The following NBAS variants were observed in gnomAD, a reference collection of about 807,000 sequenced individuals.
The protein encoded by NBAS is NBAS subunit of NRZ tethering complex.
NBAS carries 219 observed loss-of-function variants against 302.5 expected under a neutral mutation model. The ratio of observed to expected loss-of-function variants is 0.72; its 90% CI spans 0.65 to 0.81. NBAS has a LOEUF of 0.81. Ranked by LOEUF, NBAS falls within the 30% of genes least tolerant of loss-of-function variation. The pLI is 0.00. For missense variants in NBAS, 2,932 were observed against 2,841.6 expected, an observed-to-expected ratio of 1.03 and a Z score of -0.72; for synonymous variants, 1,118 against 1,021.6, an observed-to-expected ratio of 1.09 and a Z score of -1.80.
chr2:15,221,089 G>A (rs1666929824), intron 47 of NBAS, among the ~76,000 whole-genome samples: 2 of 152,108 alleles, frequency 1.3e-5, no homozygotes, highest in South Asian at 4.1e-4. Context: ...ATATTTATCA[G>A]AAATGGAAAC....
intron 47 of NBAS, among the ~76,000 whole-genome samples, chr2:15,219,321 C>CTTTTT (rs1356182596): frequency 7.0e-6 from 1 of 142,344 alleles, no homozygotes; most frequent in Non-Finnish European, 1.5e-5. Context: ...TTTTTCTTTT[C>CTTTTT]TTTTTTTTTA....
chr2:15,234,688 A>G lies in NBAS; in HGVS notation c.6003T>C (p.Leu2001=). The change falls in exon 46 of 52, where the codon CTT becomes CTC. Residue 2001 remains leucine (L), a synonymous_variant. Transcript: ENST00000281513. ...YDLSRSEKEK[L]HDEAVAICLD... ...AACAAATAGCCACAGCTTCATCATG[A>G]AGTTTCTCTTTTTCTGATCGGGACA... 6.2e-7 allele frequency: 1 copy of G among 1,614,148 alleles called. No homozygotes were observed. The highest frequency in any genetic ancestry group is 1.1e-5 in the South Asian group (1 of 91,080).
chr2:15,084,272 A>G, the NBAS span, among the ~76,000 whole-genome samples: 1 of 152,142 alleles, frequency 6.6e-6, no homozygotes, highest in Non-Finnish European at 1.5e-5. Flanking sequence ...CATGTTGCCC[A>G]GGCTGGTCTC....
chr2:14,836,976 T>C, the NBAS span, among the ~76,000 whole-genome samples: 1 of 151,870 alleles, frequency 6.6e-6, no homozygotes, highest in Admixed American at 6.6e-5. Context: ...TTATTGCATA[T>C]AAAAATAAAT....
intron 10 of NBAS, among the ~76,000 whole-genome samples, chr2:15,506,309 C>T (rs1294687942): frequency 6.6e-6 from 1 of 151,848 alleles, no homozygotes; most frequent in Non-Finnish European, 1.5e-5. Flanking sequence ...CCAATGCATA[C>T]CCAGAAAATT....
At chr2:15,516,803 T>C (rs1251508996) in intron 9 of NBAS, among the ~76,000 whole-genome samples, 3 of 151,304 alleles carry the variant, frequency 2.0e-5, no homozygotes, top group Admixed American at 6.6e-5. Context: ...GCAGAATTTA[T>C]AAAGATCTCC....
At chr2:15,456,739 T>G (rs1398862864) in intron 21 of NBAS, among the ~76,000 whole-genome samples, 1 of 151,976 alleles carries the variant, frequency 6.6e-6, no homozygotes, top group Admixed American at 6.6e-5. Context: ...GATAAATAAG[T>G]AAAACACAAA....
intron 34 of NBAS, among the ~76,000 whole-genome samples, chr2:15,352,474 GAAGA>G (rs1398813947): frequency 1.3e-5 from 2 of 152,118 alleles, no homozygotes; most frequent in African/African-American, 4.8e-5. Flanking sequence ...TGAAAGGAAG[GAAGA>G]TACACCTGGA....
the NBAS span, among the ~76,000 whole-genome samples, chr2:14,800,547 T>A: frequency 6.6e-6 from 1 of 152,204 alleles, no homozygotes. Flanking sequence ...ACTGATCTAT[T>A]TTCTGAAACT....
intron 35 of NBAS, among the ~76,000 whole-genome samples, chr2:15,346,902 C>G (rs959865422): frequency 7.9e-5 from 12 of 152,130 alleles, no homozygotes; most frequent in African/African-American, 2.9e-4. Context: ...AACACATGAA[C>G]AGAAAACAAA....
intron 23 of NBAS, among the ~76,000 whole-genome samples, chr2:15,423,146 G>A (rs532352445): frequency 3.9e-5 from 6 of 152,194 alleles, no homozygotes; most frequent in South Asian, 2.1e-4. Flanking sequence ...TGTGCAAGAC[G>A]TTCATTCTTT....
intron 38 of NBAS, among the ~76,000 whole-genome samples, chr2:15,318,202 A>AT (rs1671608880): frequency 6.6e-6 from 1 of 152,336 alleles, no homozygotes; most frequent in East Asian, 1.9e-4. Flanking sequence ...AAATGCTGAG[A>AT]TTTTGTCACT....
At chr2:15,158,840 G>A in the NBAS span, among the ~76,000 whole-genome samples, 27 of 152,144 alleles carry the variant, frequency 1.8e-4, no homozygotes, top group Non-Finnish European at 3.2e-4. Flanking sequence ...AAATGGGGGC[G>A]GTTGGTCAGA....
At chr2:15,166,479 TC>T (rs1401317641), downstream of NBAS, among the ~76,000 whole-genome samples, 1 of 152,184 alleles carries the variant, frequency 6.6e-6, no homozygotes, top group Non-Finnish European at 1.5e-5. Flanking sequence ...TAATATTTCT[TC>T]AGCTCCGGCT....
At chr2:14,848,359 G>C in the NBAS span, among the ~76,000 whole-genome samples, 84 of 139,876 alleles carry the variant, frequency 6.0e-4, 1 homozygote, top group Non-Finnish European at 1.0e-3. Flanking sequence ...CGAATATTGC[G>C]CTTTTCAGAC....
At chr2:15,142,768 T>C in the NBAS span, among the ~76,000 whole-genome samples, 1 of 152,158 alleles carries the variant, frequency 6.6e-6, no homozygotes, top group African/African-American at 2.4e-5. Context: ...TAAGGAACAT[T>C]CCATGGATAG....
the NBAS span, among the ~76,000 whole-genome samples, chr2:15,074,133 A>T: frequency 6.6e-6 from 1 of 152,208 alleles, no homozygotes; most frequent in Non-Finnish European, 1.5e-5. Context: ...TAGCTCCAAA[A>T]ACTCAAACAT....
At chr2:14,981,807 T>C in the NBAS span, among the ~76,000 whole-genome samples, 2 of 152,186 alleles carry the variant, frequency 1.3e-5, no homozygotes, top group African/African-American at 4.8e-5. Context: ...GAAATGTAAG[T>C]GGGAATAAAA....
intron 30 of NBAS, among the ~76,000 whole-genome samples, chr2:15,376,596 G>A (rs1327392300): frequency 6.6e-6 from 1 of 152,102 alleles, no homozygotes; most frequent in Non-Finnish European, 1.5e-5. Flanking sequence ...GATATCACCT[G>A]TGTGGGGGGA....
Sources: gnomAD v4.1 joint callset for allele counts (sites outside exome capture counted in the v4.1 genomes callset) on GRCh38, gnomAD v4.1.1 for gene constraint, MANE v1.5 for transcripts, NCBI Gene and HGNC (gene_info 2026-07-23, HGNC 2026-07-21) for gene names.